Variants in ARMS2 observed in about 807,000 individuals in gnomAD.
ARMS2 encodes age-related maculopathy susceptibility 2.
In ARMS2, 4 loss-of-function variants were observed where a neutral mutation model predicts 6.0. That is an observed-to-expected ratio of 0.67 (90% CI 0.33 to 1.53). The LOEUF (loss-of-function observed/expected upper bound fraction) is 1.53, where lower values mean the gene tolerates loss of function less well. ARMS2 is among the 40% of genes most tolerant of loss of function. The probability of loss-of-function intolerance (pLI) is 0.06; values close to 1 mark genes in which losing one functional copy is unlikely to be tolerated. For synonymous variants in ARMS2, 49 were observed against 51.7 expected, an observed-to-expected ratio of 0.95 and a Z score of 0.22; for missense variants, 99 against 127.6, an observed-to-expected ratio of 0.78 and a Z score of 1.08.
chr10:122,456,804 G>A, intron 1 of ARMS2, 103 bp from the exon 2 acceptor site: 1 of 1,493,124 alleles, frequency 6.7e-7, no homozygotes, highest in Non-Finnish European at 9.0e-7. Context: ...ACCCTATTGA[G>A]TTACATTAAC....
In ARMS2 at chr10:122,454,809, G is replaced by T; in HGVS notation, c.82G>T (p.Val28Leu). 6.2e-7 allele frequency: 1 copy of T among 1,614,030 alleles called. No individual in the cohort carries two copies. Among genetic ancestry groups the T allele is most frequent in the Non-Finnish European group, 8.5e-7 (1 of 1,179,892 alleles). The change falls in exon 1 of 2, where the codon GTG becomes TTG. Residue 28 changes from valine (V) to leucine (L), a missense_variant. Val to Leu is a conservative substitution (Grantham distance 32). Transcript: ENST00000528446. Reference sequence around the variant, plus strand: ...TGAGATGGCAAGTCTGTCCTCCTCGGTGGTTCCTGTGTCCTTCATTTCCAC... The same window carrying T: ...TGAGATGGCAAGTCTGTCCTCCTCGTTGGTTCCTGTGTCCTTCATTTCCAC... Reference protein sequence around the residue: ...GPEMASLSSSVVPVSFISTLR... With the variant: ...GPEMASLSSSLVPVSFISTLR...
Position 122,454,833 on chromosome 10 carries a change from A to G in ARMS2, c.106A>G (p.Thr36Ala). The change falls in exon 1 of 2, where the codon ACT becomes GCT. Residue 36 changes from threonine (T) to alanine (A), a missense_variant. Physicochemically the swap from Thr to Ala is moderately conservative, Grantham distance 58. Transcript: ENST00000528446. ...SSVVPVSFIS[T>A]LRESVLDPGV... ...GGTGGTTCCTGTGTCCTTCATTTCCACTCTGCGAGAGTCTGTGCTGGACCC... is the reference window on the plus strand; with the variant it reads ...GGTGGTTCCTGTGTCCTTCATTTCCGCTCTGCGAGAGTCTGTGCTGGACCC... 6.2e-7 allele frequency: 1 copy of G among 1,613,530 alleles called. No individual in the cohort carries two copies. Among genetic ancestry groups the G allele is most frequent in the African/African-American group, 1.3e-5 (1 of 74,854 alleles).
At position 122,454,742 on chromosome 10, in the gene ARMS2, C is replaced by T. The variant is rs765717933; in HGVS notation, c.15C>T (p.Tyr5=). The change falls in exon 1 of 2, where the codon TAC becomes TAT. Residue 5 remains tyrosine, a synonymous_variant. Coordinates refer to ENST00000528446, the MANE Select transcript of ARMS2 (RefSeq NM_001099667.3). MLRL[Y]PGPMVTEAEG... is the part of the protein sequence containing the mutation. Reference sequence around the variant, plus strand: ...CTGTACCCTACATGCTGCGCCTATACCCAGGACCGATGGTAACTGAGGCGG... The same window carrying T: ...CTGTACCCTACATGCTGCGCCTATATCCAGGACCGATGGTAACTGAGGCGG... 6 of 1,613,888 alleles carry T rather than the reference C, an allele frequency of 3.7e-6. No homozygotes were observed. The highest frequency in any genetic ancestry group is 5.1e-6 in the Non-Finnish European group (6 of 1,179,860).
rs1436714272 is a variant in ARMS2 at position 122,456,896 on chromosome 10, T to C, written c.298-11T>C. On this transcript the variant is annotated splice_polypyrimidine_tract_variant and intron_variant, in intron 1 of 1. Transcript: ENST00000528446. ...TAAAAATGCATATTACTAAATCTAT[T>C]TTTTTTTCAGTCTATCATCCACACT... 2 of 1,549,202 alleles carry C rather than the reference T, an allele frequency of 1.3e-6. No homozygotes were observed. Among genetic ancestry groups the C allele is most frequent in the Non-Finnish European group, 1.7e-6 (2 of 1,146,332 alleles).
At chr10:122,456,303 A>AC (rs940556999) in intron 1 of ARMS2, among the ~76,000 whole-genome samples, 1 of 151,914 alleles carries the variant, frequency 6.6e-6, no homozygotes, top group Non-Finnish European at 1.5e-5. Context: ...AAAACAAAAA[A>AC]AAAAAAGAAA....
At chr10:122,456,283 TAAAAAAC>T (rs2097477017) in intron 1 of ARMS2, among the ~76,000 whole-genome samples, 1 of 134,078 alleles carries the variant, frequency 7.5e-6, no homozygotes, top group Non-Finnish European at 1.6e-5. Flanking sequence ...ATGCCCTATC[TAAAAAAC>T]AAAAAACAAA....
chr10:122,455,497 T>C (rs1316515710), intron 1 of ARMS2, among the ~76,000 whole-genome samples: 3 of 152,134 alleles, frequency 2.0e-5, no homozygotes, highest in Non-Finnish European at 4.4e-5. Context: ...CATTTATGGA[T>C]TAAAAAAAAT....
chr10:122,456,390 T>TC (rs571493643), intron 1 of ARMS2, among the ~76,000 whole-genome samples: 31 of 151,610 alleles, frequency 2.0e-4, no homozygotes, highest in Admixed American at 6.6e-4. Flanking sequence ...GCATGGTGGC[T>TC]CATGGCTGTA....
At chr10:122,456,023 C>T (rs2097476827) in intron 1 of ARMS2, among the ~76,000 whole-genome samples, 1 of 151,934 alleles carries the variant, frequency 6.6e-6, no homozygotes, top group Non-Finnish European at 1.5e-5. Context: ...TGGAAGGAGC[C>T]AATTAATGCA....
At chr10:122,455,299 G>T (rs928698589) in intron 1 of ARMS2, among the ~76,000 whole-genome samples, 1 of 152,216 alleles carries the variant, frequency 6.6e-6, no homozygotes, top group African/African-American at 2.4e-5. Context: ...GTGATGGGGT[G>T]AGCAGAAACC....
At position 122,456,945 on chromosome 10, in the gene ARMS2, CAT is replaced by C; in HGVS notation, c.*15_*16del. On this transcript the variant is annotated 3_prime_UTR_variant, in exon 2 of 2. Coordinates refer to ENST00000528446, the MANE Select transcript of ARMS2 (RefSeq NM_001099667.3). ...CTGCAGCAAGGTGATTCTGCCAAAA[CAT>C]ATCTCCTTAAAAGCCAACTGGAGCT... is the stretch of plus-strand genomic sequence containing the variant. 2 of 1,551,264 alleles carry C rather than the reference CAT, an allele frequency of 1.3e-6. No homozygotes were observed. The highest frequency in any genetic ancestry group is 1.7e-6 in the Non-Finnish European group (2 of 1,146,880).
chr10:122,455,102 T>A, intron 1 of ARMS2, 78 bp downstream of exon 1: 5 of 804,348 alleles, frequency 6.2e-6, no homozygotes, highest in Non-Finnish European at 1.0e-5. Context: ...GCAGCTTGCA[T>A]TTTAACCAGC....
intron 1 of ARMS2, among the ~76,000 whole-genome samples, chr10:122,455,510 C>T (rs1257146554): frequency 6.6e-6 from 1 of 152,096 alleles, no homozygotes; most frequent in South Asian, 2.1e-4. Flanking sequence ...AAAAAAATGC[C>T]TTGGCTGTAT....
intron 1 of ARMS2, among the ~76,000 whole-genome samples, chr10:122,455,844 G>A (rs974751393): frequency 2.6e-5 from 4 of 151,912 alleles, no homozygotes; most frequent in Non-Finnish European, 1.5e-5. Context: ...ATGTGAGCGC[G>A]CTCAGCTTTT....
At position 122,454,957 on chromosome 10, in the gene ARMS2, T is replaced by C; in HGVS notation, c.230T>C (p.Leu77Ser). ...GCTAAAATCCACACTGAGCTCTGCT[T>C]ACCAGCCTTCTTCTCTCCTGCTGGA... ...PAAKIHTELC[L>S]PAFFSPAGTQ... The change falls in exon 1 of 2, where the codon TTA (leucine) becomes TCA (serine). Residue 77 changes from leucine to serine, a missense_variant. Coordinates refer to ENST00000528446, the MANE Select transcript of ARMS2 (RefSeq NM_001099667.3). The C allele has an allele frequency of 1.2e-6, 2 of 1,613,914 alleles. No homozygotes were observed. Among genetic ancestry groups the C allele is most frequent in the Non-Finnish European group, 1.7e-6 (2 of 1,179,842 alleles).
At chr10:122,456,753 AAATT>A (rs2097477466) in intron 1 of ARMS2, among the ~76,000 whole-genome samples, 150 bp from the exon 2 acceptor site, 1 of 152,192 alleles carries the variant, frequency 6.6e-6, no homozygotes, top group African/African-American at 2.4e-5. Flanking sequence ...ATACAGAAAT[AAATT>A]AATTGTTACA....
Position 122,457,059 on chromosome 10 carries a change from T to G in ARMS2, c.*126T>G. The G allele has an allele frequency of 7.9e-7, 1 of 1,260,304 alleles. No homozygotes were observed. The highest frequency in any genetic ancestry group is 1.1e-6 in the Non-Finnish European group (1 of 902,886). The allele number at this position is 1,260,304 out of a possible 1,614,324, so 78.1% of individuals were successfully genotyped here. ...CTAGACTGGTCCCCTTCCCTCCAGC[T>G]GCCTCAACTGTCCACAGGACTCTCT... On this transcript the variant is annotated 3_prime_UTR_variant, in exon 2 of 2. Transcript: ENST00000528446.
At chr10:122,455,093 C>G in intron 1 of ARMS2, 69 bp downstream of exon 1, 1 of 870,892 alleles carries the variant, frequency 1.1e-6, no homozygotes, top group Non-Finnish European at 1.8e-6. Flanking sequence ...TGGTGCCCTG[C>G]AGCTTGCATT....
At chr10:122,456,653 CAA>C (rs111270448) in intron 1 of ARMS2, among the ~76,000 whole-genome samples, 132 of 122,358 alleles carry the variant, frequency 1.1e-3, no homozygotes, top group Middle Eastern at 5.0e-3. Flanking sequence ...GACTCTATCT[CAA>C]AAAAAAAAAA....
Sources: allele counts gnomAD v4.1 joint callset (sites outside exome capture counted in the v4.1 genomes callset), GRCh38; gene constraint gnomAD v4.1.1; transcripts MANE v1.5; gene names NCBI Gene and HGNC (gene_info 2026-07-23, HGNC 2026-07-21).